Variants in GABRB1 observed in about 807,000 individuals in gnomAD.
GABRB1 encodes gamma-aminobutyric acid receptor subunit beta-1.
Under a neutral mutation model 51.6 loss-of-function variants are expected in GABRB1, and 17 were observed. That is an observed-to-expected ratio of 0.33 (90% confidence interval 0.23 to 0.49). GABRB1 has a LOEUF of 0.49. Among genes scored for constraint, GABRB1 ranks in the 20% least tolerant of loss-of-function variants. The pLI, the probability that GABRB1 is intolerant of heterozygous loss-of-function variation, is 0.99. For synonymous variants in GABRB1, 247 were observed against 218.9 expected, an observed-to-expected ratio of 1.13 and a Z score of -1.14; for missense variants, 410 against 600.6, an observed-to-expected ratio of 0.68 and a Z score of 3.32.
intron 4 of GABRB1, among the ~76,000 whole-genome samples, chr4:47,219,504 G>A (rs16860067): frequency 0.34 from 50,882 of 151,622 alleles, 8,831 homozygotes; most frequent in African/African-American, 0.35. Context: ...AGCAACCACA[G>A]CTAAACTTAT....
intron 4 of GABRB1, among the ~76,000 whole-genome samples, chr4:47,234,398 A>T (rs1046387418): frequency 1.3e-5 from 2 of 152,068 alleles, no homozygotes; most frequent in East Asian, 3.9e-4. Context: ...GAGGCAGGAG[A>T]ATCGCTTGAA....
chr4:47,247,013 AG>A (rs1721790580), intron 4 of GABRB1, among the ~76,000 whole-genome samples: 3 of 152,110 alleles, frequency 2.0e-5, no homozygotes, highest in African/African-American at 7.2e-5. Context: ...GCTGAGCAAA[AG>A]CTCTTTAGTT....
At chr4:47,067,473 T>C (rs1037755280) in intron 3 of GABRB1, among the ~76,000 whole-genome samples, 1 of 152,184 alleles carries the variant, frequency 6.6e-6, no homozygotes, top group Non-Finnish European at 1.5e-5. Flanking sequence ...AATTTATTGT[T>C]TAGTGTAGCC....
At chr4:47,098,620 A>T (rs1444081601) in intron 3 of GABRB1, among the ~76,000 whole-genome samples, 1 of 152,142 alleles carries the variant, frequency 6.6e-6, no homozygotes, top group Non-Finnish European at 1.5e-5. Flanking sequence ...AATATCCATT[A>T]TCTCATATAG....
At chr4:47,319,546 T>G (rs558908831) in intron 4 of GABRB1, among the ~76,000 whole-genome samples, 1 of 152,328 alleles carries the variant, frequency 6.6e-6, no homozygotes, top group South Asian at 2.1e-4. Context: ...TCCCACTGGG[T>G]CATGGTGTAT....
chr4:47,123,818 TTATATTATATTA>T (rs1360408611), intron 3 of GABRB1, among the ~76,000 whole-genome samples: 15 of 92,476 alleles, frequency 1.6e-4, no homozygotes, highest in East Asian at 2.8e-4. Context: ...ATATTATATA[TTATATTATATTA>T]TATATTATAT....
intron 3 of GABRB1, among the ~76,000 whole-genome samples, chr4:47,128,962 G>A (rs183857799): frequency 3.2e-4 from 49 of 151,976 alleles, no homozygotes; most frequent in Non-Finnish European, 6.5e-4. Context: ...TACTCTTTGT[G>A]GTAAAAGCTA....
At chr4:47,242,770 T>C (rs1047233133) in intron 4 of GABRB1, among the ~76,000 whole-genome samples, 4 of 152,230 alleles carry the variant, frequency 2.6e-5, no homozygotes, top group South Asian at 2.1e-4. Context: ...AAGTTCTTTG[T>C]AGATTCTGGA....
intron 3 of GABRB1, among the ~76,000 whole-genome samples, chr4:47,091,754 A>G (rs1728303464): frequency 6.6e-6 from 1 of 152,116 alleles, no homozygotes; most frequent in Non-Finnish European, 1.5e-5. Flanking sequence ...ATAAAGTCTG[A>G]ATTCTTTCTA....
intron 3 of GABRB1, among the ~76,000 whole-genome samples, chr4:47,103,420 T>C (rs1443667187): frequency 6.6e-6 from 1 of 152,014 alleles, no homozygotes; most frequent in Non-Finnish European, 1.5e-5. Context: ...ATAACCCATG[T>C]TATTTTATTG....
chr4:47,322,057 T>C (rs148838141), intron 5 of GABRB1, among the ~76,000 whole-genome samples: 1 of 152,210 alleles, frequency 6.6e-6, no homozygotes, highest in South Asian at 2.1e-4. Context: ...TGACTTTAAG[T>C]CCATTTAATA....
rs370784664 is a variant in GABRB1, at chr4:47,124,301, A to T, written c.241-36948A>T. On this transcript the variant is annotated intron_variant, in intron 3 of 8. Transcript: ENST00000295454. ...ATGGATAACTGGCAACAACTGCGTG[A>T]CCTGATTTCAGACCTGCTCAACTGC... is the stretch of plus-strand genomic sequence containing the variant. Among the ~76,000 whole-genome samples the T allele has an allele frequency of 2.8e-4, 42 of 152,202 alleles. 1 individual carries two copies. The highest frequency in any genetic ancestry group is 9.6e-4 in the African/African-American group (40 of 41,524).
At chr4:47,287,960 G>T (rs879907408) in intron 4 of GABRB1, among the ~76,000 whole-genome samples, 2 of 152,198 alleles carry the variant, frequency 1.3e-5, no homozygotes, top group Non-Finnish European at 2.9e-5. Context: ...TTTCAGATAT[G>T]ACCACAGTCC....
intron 3 of GABRB1, among the ~76,000 whole-genome samples, chr4:47,123,259 ATG>A (rs1003289894): frequency 2.8e-5 from 4 of 143,766 alleles, no homozygotes; most frequent in Admixed American, 7.4e-5. Flanking sequence ...ACATATGTGT[ATG>A]TGTGTGTGTG....
chr4:47,080,478 C>T lies in GABRB1; in HGVS notation c.240+47994C>T, dbSNP rs1727783017. Among the ~76,000 whole-genome samples the T allele has an allele frequency of 2.0e-5, 3 of 152,208 alleles. No homozygotes were observed. In the South Asian group the frequency reaches 6.2e-4, roughly 32 times the overall value. On this transcript the variant is annotated intron_variant, in intron 3 of 8. Transcript: ENST00000295454. ...AGAGTAATTATGAAGTATTAAGTGT[C>T]ATGAAAATGCAGTATATTTTGACAA... is the stretch of plus-strand genomic sequence containing the variant.
intron 8 of GABRB1, among the ~76,000 whole-genome samples, chr4:47,412,949 G>T (rs1728806228): frequency 1.3e-5 from 2 of 152,194 alleles, no homozygotes; most frequent in South Asian, 4.1e-4. Context: ...ATGCAAGTTG[G>T]TTCTCTACCT....
chr4:47,063,405 T>C (rs545036411), intron 3 of GABRB1, among the ~76,000 whole-genome samples: 1 of 152,350 alleles, frequency 6.6e-6, no homozygotes, highest in Non-Finnish European at 1.5e-5. Flanking sequence ...ATTAAATAAC[T>C]GTCTGCTACA....
At chr4:47,285,215 G>A (rs546747752) in intron 4 of GABRB1, among the ~76,000 whole-genome samples, 42 of 152,260 alleles carry the variant, frequency 2.8e-4, no homozygotes, top group African/African-American at 9.1e-4. Context: ...CACTACTGTA[G>A]GAGACCCTTG....
At chr4:47,070,538 G>T (rs1328417685) in intron 3 of GABRB1, among the ~76,000 whole-genome samples, 2 of 151,896 alleles carry the variant, frequency 1.3e-5, no homozygotes, top group Admixed American at 1.3e-4. Flanking sequence ...CACCATGTTG[G>T]CTAGGCTGTT....
Sources: gnomAD v4.1 joint callset for allele counts (sites outside exome capture counted in the v4.1 genomes callset) on GRCh38, gnomAD v4.1.1 for gene constraint, MANE v1.5 for transcripts, NCBI Gene and HGNC (gene_info 2026-07-23, HGNC 2026-07-21) for gene names.